P2RY12: variants seen among roughly 807,000 people sequenced by gnomAD.
P2RY12 encodes purinergic receptor P2Y12.
Under a neutral mutation model 4.5 loss-of-function variants are expected in P2RY12, and 3 were observed. That is an observed-to-expected ratio of 0.67 (90% confidence interval 0.31 to 1.74). The LOEUF (loss-of-function observed/expected upper bound fraction) is 1.74. Ranked by LOEUF, P2RY12 falls within the 40% of genes most tolerant of loss-of-function variation. P2RY12 has a pLI of 0.09. For synonymous variants in P2RY12, 148 were observed against 154.1 expected (o/e 0.96, Z 0.29); for missense variants, 356 against 407.8 (o/e 0.87, Z 1.09).
At chr3:151,359,345 A>G (rs1342845284) in intron 1 of P2RY12, among the ~76,000 whole-genome samples, 2 of 152,066 alleles carry the variant, frequency 1.3e-5, no homozygotes, top group Non-Finnish European at 2.9e-5. Flanking sequence ...TAATTGTGTG[A>G]CACTTTTGTT....
At chr3:151,356,251 T>G (rs1336836149) in intron 1 of P2RY12, among the ~76,000 whole-genome samples, 1 of 151,852 alleles carries the variant, frequency 6.6e-6, no homozygotes, top group East Asian at 1.9e-4. Context: ...AATTTAAAAA[T>G]TAGCTGGTTG....
intron 1 of P2RY12, among the ~76,000 whole-genome samples, chr3:151,349,757 A>T (rs1328287849): frequency 6.6e-6 from 1 of 152,192 alleles, no homozygotes; most frequent in African/African-American, 2.4e-5. Context: ...ACCATGTTCA[A>T]TTTTAAACAA....
At chr3:151,348,758 T>C (rs2150010596) in intron 1 of P2RY12, among the ~76,000 whole-genome samples, 1 of 152,298 alleles carries the variant, frequency 6.6e-6, no homozygotes, top group South Asian at 2.1e-4. Context: ...ACACAAAGAC[T>C]GAGAGCCAAG....
intron 1 of P2RY12, among the ~76,000 whole-genome samples, chr3:151,371,546 C>T (rs773126649): frequency 6.6e-6 from 1 of 151,918 alleles, no homozygotes; most frequent in African/African-American, 2.4e-5. Flanking sequence ...TTAGTAAATA[C>T]TCAGTAAGCC....
intron 1 of P2RY12, chr3:151,375,971 A>ATATATATATATATC: frequency 1.2e-6 from 1 of 807,382 alleles, no homozygotes; most frequent in Non-Finnish European, 1.7e-6. Flanking sequence ...TACATATTGC[A>ATATATATATATATC]TATATATATA....
intron 1 of P2RY12, among the ~76,000 whole-genome samples, chr3:151,359,770 A>T (rs1754379341): frequency 6.6e-6 from 1 of 152,146 alleles, no homozygotes; most frequent in Admixed American, 6.6e-5. Context: ...GTAACAAAAT[A>T]CAAGATGGTG....
intron 1 of P2RY12, chr3:151,380,007 C>A: frequency 3.5e-5 from 23 of 655,308 alleles, no homozygotes; most frequent in Non-Finnish European, 3.3e-5. Flanking sequence ...TGGCTATTTA[C>A]CACCTCTCTT....
chr3:151,348,622 C>G (rs2150009564), intron 1 of P2RY12, among the ~76,000 whole-genome samples: 1 of 149,116 alleles, frequency 6.7e-6, no homozygotes. Flanking sequence ...CATTAAGAAT[C>G]ATTTGGGGGT....
chr3:151,349,034 T>G (rs953234444), intron 1 of P2RY12, among the ~76,000 whole-genome samples: 4 of 152,232 alleles, frequency 2.6e-5, no homozygotes, highest in Non-Finnish European at 5.9e-5. Flanking sequence ...GGCAAAAATA[T>G]ACATAGAGTA....
chr3:151,378,278 T>G, intron 1 of P2RY12: 1 of 1,203,946 alleles, frequency 8.3e-7, no homozygotes, highest in Admixed American at 3.4e-5. Flanking sequence ...CCACTGAAAT[T>G]TAGTTTTTAA....
intron 1 of P2RY12, chr3:151,376,322 T>G (rs1364547917): frequency 1.1e-5 from 10 of 886,068 alleles, no homozygotes; most frequent in African/African-American, 1.8e-5. Flanking sequence ...ATTTCAATTC[T>G]GATTTTTATT....
chr3:151,348,623 A>G (rs1752858601), intron 1 of P2RY12, among the ~76,000 whole-genome samples: 1 of 150,334 alleles, frequency 6.7e-6, no homozygotes, highest in Admixed American at 6.6e-5. Flanking sequence ...ATTAAGAATC[A>G]TTTGGGGGTG....
chr3:151,384,323 T>C, intron 1 of P2RY12: 1 of 1,175,678 alleles, frequency 8.5e-7, no homozygotes, highest in Non-Finnish European at 1.2e-6. Flanking sequence ...TGTATTCAAC[T>C]TAATTTAATG....
chr3:151,355,413 G>T (rs757135050), intron 1 of P2RY12, among the ~76,000 whole-genome samples: 1 of 152,090 alleles, frequency 6.6e-6, no homozygotes, highest in African/African-American at 2.4e-5. Flanking sequence ...TGCCTTCCTC[G>T]AAGGATTAAT....
chr3:151,355,603 T>G (rs1202200366), intron 1 of P2RY12, among the ~76,000 whole-genome samples: 1 of 152,218 alleles, frequency 6.6e-6, no homozygotes, highest in African/African-American at 2.4e-5. Context: ...GCTTTACAAA[T>G]CCATTGATAT....
At chr3:151,371,396 CT>C (rs1387379025) in intron 1 of P2RY12, among the ~76,000 whole-genome samples, 3 of 152,184 alleles carry the variant, frequency 2.0e-5, no homozygotes, top group African/African-American at 7.2e-5. Flanking sequence ...CTTTCAGCTC[CT>C]GAAGTGATCT....
chr3:151,371,812 T>TA (rs1405709656), intron 1 of P2RY12, among the ~76,000 whole-genome samples: 1 of 152,234 alleles, frequency 6.6e-6, no homozygotes, highest in East Asian at 1.9e-4. Flanking sequence ...TAAAATATGA[T>TA]AGTTATTTGT....
intron 1 of P2RY12, among the ~76,000 whole-genome samples, chr3:151,359,757 C>T (rs147218021): frequency 1.0e-3 from 158 of 152,108 alleles, no homozygotes; most frequent in African/African-American, 3.4e-3. Context: ...ATGGCTGAGC[C>T]CTGTAACAAA....
chr3:151,372,829 T>C, intron 1 of P2RY12: 1 of 1,343,704 alleles, frequency 7.4e-7, no homozygotes. Flanking sequence ...GAGAGCTACT[T>C]ACACTTATAG....
Sources: allele counts gnomAD v4.1 joint callset (sites outside exome capture counted in the v4.1 genomes callset), GRCh38; gene constraint gnomAD v4.1.1; transcripts MANE v1.5; gene names NCBI Gene and HGNC (gene_info 2026-07-23, HGNC 2026-07-21).